The following FAM120A variants were observed in gnomAD, a reference collection of about 807,000 sequenced individuals.
FAM120A encodes constitutive coactivator of PPAR-gamma-like protein 1.
Under a neutral mutation model 109.7 loss-of-function variants are expected in FAM120A, and 15 were observed. The ratio of observed to expected loss-of-function variants is 0.14; its 90% CI spans 0.09 to 0.21. FAM120A has a LOEUF of 0.21. FAM120A is among the 10% of genes least tolerant of loss of function. The probability of loss-of-function intolerance (pLI) is 1.00; values close to 1 mark genes in which losing one functional copy is unlikely to be tolerated. For missense variants in FAM120A, 899 were observed against 1,439.3 expected (o/e 0.62, Z 6.07); for synonymous variants, 493 against 572.8 (o/e 0.86, Z 1.99).
chr9:93,469,500 A>C (rs905116260), intron 1 of FAM120A, among the ~76,000 whole-genome samples: 5 of 152,220 alleles, frequency 3.3e-5, no homozygotes, highest in Non-Finnish European at 4.4e-5. Context: ...ATGATTTTAA[A>C]ATAGTTTAAA....
At chr9:93,470,083 C>T (rs539503457) in intron 1 of FAM120A, among the ~76,000 whole-genome samples, 4 of 152,282 alleles carry the variant, frequency 2.6e-5, no homozygotes, top group African/African-American at 9.6e-5. Context: ...ACACATTGGA[C>T]AGTAGTTTTA....
Position 93,558,568 on chromosome 9 carries a change from C to G in FAM120A, c.2669-13C>G, listed in dbSNP as rs200861588. ...TACACTTCTCCCCTCTCTCTCTACC[C>G]CGGGTCCCACAGGCGTCTGTGGCTT... On this transcript the variant is annotated splice_polypyrimidine_tract_variant and intron_variant, in intron 14 of 17. Transcript: ENST00000277165. The G allele has an allele frequency of 5.1e-4, 826 of 1,613,912 alleles. 3 individuals carry two copies. Among genetic ancestry groups the G allele is most frequent in the Non-Finnish European group, 6.3e-4 (749 of 1,179,928 alleles).
intron 5 of FAM120A, among the ~76,000 whole-genome samples, chr9:93,506,433 A>G (rs957004177): frequency 3.9e-5 from 6 of 152,150 alleles, no homozygotes; most frequent in African/African-American, 1.4e-4. Context: ...ATATTTTCAA[A>G]TTAATACTGT....
At chr9:93,553,103 C>T (rs1321401829) in intron 12 of FAM120A, among the ~76,000 whole-genome samples, 2 of 152,152 alleles carry the variant, frequency 1.3e-5, no homozygotes, top group Non-Finnish European at 2.9e-5. Context: ...CCATGTGGCT[C>T]CTTAAATACC....
At chr9:93,472,495 G>A (rs1369706198) in intron 2 of FAM120A, among the ~76,000 whole-genome samples, 1 of 152,182 alleles carries the variant, frequency 6.6e-6, no homozygotes, top group East Asian at 1.9e-4. Context: ...TGAATCTGAT[G>A]GGATTTGGGG....
At chr9:93,520,433 G>A (rs568796720) in intron 7 of FAM120A, among the ~76,000 whole-genome samples, 4 of 152,288 alleles carry the variant, frequency 2.6e-5, no homozygotes, top group South Asian at 4.1e-4. Flanking sequence ...GTTGTTCACC[G>A]TCACTAAGAA....
rs1232443622 is a variant in FAM120A, at chr9:93,452,619, G to C, written c.474+230G>C. ...CTGTCCCTGTTCGGGGTCCGCGGCC[G>C]CGTGGGGACACTTGAGGGCTGGGAG... is the stretch of plus-strand genomic sequence containing the variant. On this transcript the variant is annotated intron_variant, in intron 1 of 17. Transcript: ENST00000277165. The surrounding 1 kb of genome is among the most constrained non-coding windows in gnomAD (Gnocchi z 7.0). 2.5e-6 allele frequency: 4 copies of C among 1,599,128 alleles called. No homozygotes were observed. The highest frequency in any genetic ancestry group is 3.4e-6 in the Non-Finnish European group (4 of 1,179,858).
chr9:93,463,175 A>G (rs997632641), intron 1 of FAM120A, among the ~76,000 whole-genome samples: 1 of 152,044 alleles, frequency 6.6e-6, no homozygotes, highest in South Asian at 2.1e-4. Context: ...TCTTGTTGAC[A>G]TTTGTTATTT....
intron 10 of FAM120A, among the ~76,000 whole-genome samples, chr9:93,542,298 GT>G (rs2131514347): frequency 6.6e-6 from 1 of 152,270 alleles, no homozygotes; most frequent in African/African-American, 2.4e-5. Flanking sequence ...TGAACCACTT[GT>G]TACTTATAAA....
At position 93,458,064 on chromosome 9, in the gene FAM120A, A is replaced by T. The variant is rs35356734; in HGVS notation, c.474+5675A>T. Among the ~76,000 whole-genome samples, 849 of 152,236 alleles carry T rather than the reference A, an allele frequency of 5.6e-3. 31 individuals carry two copies. The highest frequency in any genetic ancestry group is 0.05 in the Admixed American group (770 of 15,294). ...CTCACCATTTCCAAGGCACAGCCTC[A>T]CTGTCCTCAAACACTTCAGCACCTG... On this transcript the variant is annotated intron_variant, in intron 1 of 17. Coordinates refer to ENST00000277165, the MANE Select transcript of FAM120A (RefSeq NM_014612.5).
chr9:93,470,135 G>T (rs1412126413), intron 1 of FAM120A, among the ~76,000 whole-genome samples: 2 of 152,144 alleles, frequency 1.3e-5, no homozygotes, highest in East Asian at 3.8e-4. Flanking sequence ...TCTCCTCCAA[G>T]GCCCTGTGGA....
At chr9:93,512,237 G>A (rs1293681183) in intron 5 of FAM120A, among the ~76,000 whole-genome samples, 2 of 152,226 alleles carry the variant, frequency 1.3e-5, no homozygotes, top group Non-Finnish European at 2.9e-5. Flanking sequence ...AAGGCCGACT[G>A]TAGTTCTAAG....
chr9:93,510,755 A>G (rs1860281968), intron 5 of FAM120A, among the ~76,000 whole-genome samples: 1 of 151,990 alleles, frequency 6.6e-6, no homozygotes, highest in Admixed American at 6.6e-5. Flanking sequence ...ACCAGCCTTG[A>G]TGAGATGTAA....
At chr9:93,513,522 C>T (rs1249667285) in intron 5 of FAM120A, among the ~76,000 whole-genome samples, 1 of 152,224 alleles carries the variant, frequency 6.6e-6, no homozygotes, top group Non-Finnish European at 1.5e-5. Context: ...TGACTACACA[C>T]ATGCCAGTCT....
chr9:93,495,543 C>T (rs1859537231), intron 3 of FAM120A, among the ~76,000 whole-genome samples: 2 of 152,154 alleles, frequency 1.3e-5, no homozygotes, highest in Non-Finnish European at 2.9e-5. Flanking sequence ...TTAGGTTTTC[C>T]AGTACATGTA....
At chr9:93,502,913 A>C (rs544650008) in intron 5 of FAM120A, among the ~76,000 whole-genome samples, 1 of 152,378 alleles carries the variant, frequency 6.6e-6, no homozygotes, top group African/African-American at 2.4e-5. Flanking sequence ...AGTAACAAGT[A>C]ACACAACTAA....
intron 11 of FAM120A, among the ~76,000 whole-genome samples, chr9:93,546,170 A>G (rs915931072): frequency 6.6e-6 from 1 of 152,186 alleles, no homozygotes; most frequent in African/African-American, 2.4e-5. Flanking sequence ...ATTAATAACA[A>G]TATTATATTC....
rs1445050742 is a variant in FAM120A, at chr9:93,556,565, C to T, written c.2458C>T (p.Pro820Ser). The T allele has an allele frequency of 6.2e-7, 1 of 1,614,102 alleles. No individual in the cohort carries two copies. Among genetic ancestry groups the T allele is most frequent in the Non-Finnish European group, 8.5e-7 (1 of 1,180,058 alleles). The stretch of plus-strand genomic sequence containing the variant: ...CCTCAAAGCCAGCCGGGAAAAGACC[C>T]CACTCATTGACCTCTGTGATGGTCA... ...KLLKASREKT[P>S]LIDLCDGQAD... The change falls in exon 13 of 18, where the codon CCA becomes TCA. Residue 820 changes from proline (P) to serine (S), a missense_variant. Around this residue, in one of 11 missense-constraint regions of FAM120A, gnomAD observed 31 missense variants for 73.0 expected, o/e 0.42. Transcript: ENST00000277165.
At chr9:93,561,522 G>A (rs1175065408) in intron 16 of FAM120A, among the ~76,000 whole-genome samples, 1 of 152,118 alleles carries the variant, frequency 6.6e-6, no homozygotes, top group Admixed American at 6.5e-5. Flanking sequence ...AGCCTCCTGA[G>A]TAGCTGGGAC....
Sources: allele counts gnomAD v4.1 joint callset (sites outside exome capture counted in the v4.1 genomes callset), GRCh38; gene constraint gnomAD v4.1.1; regional missense constraint gnomAD v4.1.1; non-coding constraint Gnocchi (gnomAD v3.1); transcripts MANE v1.5; gene names NCBI Gene and HGNC (gene_info 2026-07-23, HGNC 2026-07-21).